MANF: variants seen among roughly 807,000 people sequenced by gnomAD.
The protein encoded by MANF is mesencephalic astrocyte-derived neurotrophic factor.
In MANF, 9 loss-of-function variants were observed where a neutral mutation model predicts 19.1. The observed-to-expected ratio is 0.47, with a 90% confidence interval of 0.28 to 0.82. The LOEUF (loss-of-function observed/expected upper bound fraction) is 0.82, where lower values mean the gene tolerates loss of function less well. Ranked by LOEUF, MANF falls within the 40% of genes least tolerant of loss-of-function variation. The probability of loss-of-function intolerance (pLI) is 0.10; values close to 1 mark genes in which losing one functional copy is unlikely to be tolerated. For missense variants in MANF, 225 were observed against 226.7 expected (o/e 0.99, Z 0.05); for synonymous variants, 89 against 88.0 (o/e 1.01, Z -0.06).
chr3:51,388,690 T>A (rs1367781763), intron 3 of MANF, among the ~76,000 whole-genome samples: 1 of 152,228 alleles, frequency 6.6e-6, no homozygotes, highest in Non-Finnish European at 1.5e-5. Context: ...ATATCTGTAG[T>A]AGACATAATA....
In MANF at chr3:51,389,062, G is replaced by C; in HGVS notation, c.522G>C (p.Lys174Asn). 6.2e-7 allele frequency: 1 copy of C among 1,612,882 alleles called. No individual in the cohort carries two copies. The highest frequency in any genetic ancestry group is 8.5e-7 in the Non-Finnish European group (1 of 1,179,438). Residue 174 changes from lysine to asparagine, a missense_variant, in exon 4 of 4, where the codon AAG becomes AAC. Physicochemically the swap from Lys to Asn is moderately conservative, Grantham distance 94. Coordinates refer to ENST00000528157, the MANE Select transcript of MANF (RefSeq NM_006010.6). The stretch of plus-strand genomic sequence containing the variant: ...AACTGATGCCTAAATATGCCCCCAA[G>C]GCAGCCAGTGCACGGACCGATTTGT... ...INELMPKYAP[K>N]AASARTDL
At chr3:51,385,473 C>G (rs72945708) in intron 1 of MANF, 37 bp downstream of exon 1, 50,439 of 1,002,744 alleles carry the variant, frequency 0.05, 4,120 homozygotes, top group East Asian at 0.47. Context: ...GCTCCGTGAC[C>G]GTTCTGGCGG....
chr3:51,386,352 C>T lies in MANF; in HGVS notation c.222+17C>T. The T allele has an allele frequency of 6.2e-7, 1 of 1,613,632 alleles. No homozygotes were observed. Among genetic ancestry groups the T allele is most frequent in the Non-Finnish European group, 8.5e-7 (1 of 1,179,620 alleles). ...AATCGGTTGGTAAGTAGCTGGTGAT[C>T]CTCCCCAACTGGCCCTGGCTCATGT... On this transcript the variant is annotated intron_variant, in intron 2 of 3. Transcript: ENST00000528157.
At position 51,388,971 on chromosome 3, in the gene MANF, T is replaced by C; in HGVS notation, c.431T>C (p.Leu144Pro). The C allele has an allele frequency of 6.2e-7, 1 of 1,603,298 alleles. No homozygotes were observed. Among genetic ancestry groups the C allele is most frequent in the Non-Finnish European group, 8.5e-7 (1 of 1,174,532 alleles). The change falls in exon 4 of 4, where the codon CTG (leucine) becomes CCG (proline). Residue 144 changes from leucine to proline, a missense_variant. Coordinates refer to ENST00000528157, the MANE Select transcript of MANF (RefSeq NM_006010.6). ...CGAGTTAAAGAGCTGAAGAAGATTC[T>C]GGATGACTGGGGGGAGACATGCAAA... ...KLRVKELKKILDDWGETCKGC... is the reference protein window; with the variant it reads ...KLRVKELKKIPDDWGETCKGC...
At chr3:51,385,474 G>C in intron 1 of MANF, 38 bp downstream of exon 1, 1 of 1,176,624 alleles carries the variant, frequency 8.5e-7, no homozygotes, top group Non-Finnish European at 1.1e-6. Flanking sequence ...CTCCGTGACC[G>C]TTCTGGCGGC....
intron 2 of MANF, 137 bp from the exon 3 acceptor site, chr3:51,387,600 C>G: frequency 1.3e-6 from 1 of 768,408 alleles, no homozygotes; most frequent in Non-Finnish European, 2.1e-6. Context: ...CCACTGCATT[C>G]CAGCCTGGGT....
At chr3:51,387,700 A>C in intron 2 of MANF, 37 bp from the exon 3 acceptor site, 1 of 1,596,690 alleles carries the variant, frequency 6.3e-7, no homozygotes, top group Non-Finnish European at 8.6e-7. Context: ...ATGGCTCTCA[A>C]GCACCTCCTG....
intron 2 of MANF, chr3:51,387,025 G>T (rs564785094): frequency 3.2e-5 from 14 of 440,000 alleles, no homozygotes; most frequent in South Asian, 2.2e-4. Flanking sequence ...GCAGGGCACC[G>T]AAAAATGCCG....
At chr3:51,386,465 G>T in intron 2 of MANF, 130 bp downstream of exon 2, 1 of 990,012 alleles carries the variant, frequency 1.0e-6, no homozygotes. Flanking sequence ...AAACTAATGT[G>T]AGAAGACTGA....
Position 51,385,320 on chromosome 3 carries a change from G to GGAGGAGGAGGAGGAT in MANF, c.-14_1dup, listed in dbSNP as rs1235105175. 2.5e-6 allele frequency: 3 copies of GGAGGAGGAGGAGGAT among 1,222,634 alleles called. No individual in the cohort carries two copies. The highest frequency in any genetic ancestry group is 2.0e-6 in the Non-Finnish European group (2 of 976,452). 75.7% of individuals were successfully genotyped at this position (1,222,634 alleles called of 1,614,324 possible). A position where few individuals can be genotyped will look rare whatever the true frequency, so the allele number is the denominator to read the frequency against. Reference sequence around the variant, plus strand: ...GGTCGGCGGCGGCAGCGGAGGAGGAGGAGGAGGAGGAGGATGAGGAGGATG... The same window carrying GGAGGAGGAGGAGGAT: ...GGTCGGCGGCGGCAGCGGAGGAGGAGGAGGAGGAGGAGGATGAGGAGGAGGAGGATGAGGAGGATG... On this transcript the variant is annotated 5_prime_UTR_variant, in exon 1 of 4. The change creates a new upstream start codon in the 5' untranslated region. Coordinates refer to ENST00000528157, the MANE Select transcript of MANF (RefSeq NM_006010.6).
Position 51,385,342 on chromosome 3 carries a change from G to A in MANF, c.-1G>A, listed in dbSNP as rs1553620678. 6.5e-6 allele frequency: 8 copies of A among 1,236,686 alleles called. No individual in the cohort carries two copies. The highest frequency in any genetic ancestry group is 8.1e-6 in the Non-Finnish European group (8 of 987,244). The allele number at this position is 1,236,686 out of a possible 1,614,324, so 76.6% of individuals were successfully genotyped here. ...GGAGGAGGAGGAGGAGGATGAGGAGGATGAGGAGGATGTGGGCCACGCAGG... is the reference window on the plus strand; with the variant it reads ...GGAGGAGGAGGAGGAGGATGAGGAGAATGAGGAGGATGTGGGCCACGCAGG... On this transcript the variant is annotated 5_prime_UTR_variant, in exon 1 of 4. Transcript: ENST00000528157.
chr3:51,385,504 T>G, intron 1 of MANF, 68 bp downstream of exon 1: 2 of 251,434 alleles, frequency 8.0e-6, no homozygotes, highest in Non-Finnish European at 1.1e-5. Flanking sequence ...CCCCACAACA[T>G]CACCAGACGG....
At chr3:51,386,923 G>A (rs1553620970) in intron 2 of MANF, 1 of 456,760 alleles carries the variant, frequency 2.2e-6, no homozygotes, top group Admixed American at 2.3e-5. Context: ...GAACCCTGGT[G>A]ACACTTAAAT....
chr3:51,389,115 G>T lies in MANF; in HGVS notation c.*26G>T. 1 of 1,591,660 alleles carries T rather than the reference G, an allele frequency of 6.3e-7. No individual in the cohort carries two copies. Among genetic ancestry groups the T allele is most frequent in the Non-Finnish European group, 8.5e-7 (1 of 1,171,600 alleles). On this transcript the variant is annotated 3_prime_UTR_variant, in exon 4 of 4. Transcript: ENST00000528157. ...TCTGCTCAATCTCTGTTGCACCTGA[G>T]GGGGAAAAAACAGTTCAACTGCTTA...
At chr3:51,385,961 G>A (rs897674745) in intron 1 of MANF, 30 of 506,344 alleles carry the variant, frequency 5.9e-5, no homozygotes, top group African/African-American at 5.8e-5. Context: ...AAAGGAGCAG[G>A]GAGAAGTCGT....
chr3:51,385,948 A>G (rs941965439), intron 1 of MANF: 1 of 451,212 alleles, frequency 2.2e-6, no homozygotes, highest in Non-Finnish European at 4.0e-6. Context: ...CTTAAACTTG[A>G]TGAAAGGAGC....
At chr3:51,385,549 G>A in intron 1 of MANF, 113 bp downstream of exon 1, 1 of 503,252 alleles carries the variant, frequency 2.0e-6, no homozygotes, top group Non-Finnish European at 3.1e-6. Flanking sequence ...GGGCGGGGGC[G>A]GGGGCGACAG....
At position 51,386,283 on chromosome 3, in the gene MANF, A is replaced by G; in HGVS notation, c.170A>G (p.Glu57Gly). 1 of 1,613,974 alleles carries G rather than the reference A, an allele frequency of 6.2e-7. No individual in the cohort carries two copies. The change falls in exon 2 of 4, where the codon GAA becomes GGA. Residue 57 changes from glutamate (E) to glycine (G), a missense_variant. Glu to Gly is a moderately conservative substitution (Grantham distance 98). Coordinates refer to ENST00000528157, the MANE Select transcript of MANF (RefSeq NM_006010.6). ...GTCACATTCTCACCAGCCACTATTG[A>G]AAACGAACTTATAAAGTTCTGCCGG... ...RDVTFSPATI[E>G]NELIKFCREA...
intron 2 of MANF, among the ~76,000 whole-genome samples, chr3:51,387,430 C>G (rs2088973196): frequency 6.6e-6 from 1 of 151,898 alleles, no homozygotes; most frequent in Non-Finnish European, 1.5e-5. Context: ...CCACTGCACT[C>G]CAGCCTGGGT....
Sources: allele counts gnomAD v4.1 joint callset (sites outside exome capture counted in the v4.1 genomes callset), GRCh38; gene constraint gnomAD v4.1.1; transcripts MANE v1.5; gene names NCBI Gene and HGNC (gene_info 2026-07-23, HGNC 2026-07-21).